The following LPP variants were observed in gnomAD, a reference collection of about 807,000 sequenced individuals.
LPP encodes the protein lipoma-preferred partner.
Under a neutral mutation model 60.4 loss-of-function variants are expected in LPP, and 38 were observed. The observed-to-expected ratio is 0.63, with a 90% CI of 0.49 to 0.83. LPP has a LOEUF of 0.83. Among genes scored for constraint, LPP ranks in the 40% least tolerant of loss-of-function variants. LPP has a pLI of 0.00. For missense variants in LPP, 902 were observed against 783.6 expected (o/e 1.15, Z -1.80); for synonymous variants, 328 against 290.8 (o/e 1.13, Z -1.30).
intron 1 of LPP, among the ~76,000 whole-genome samples, chr3:188,161,454 A>G (rs897780331): frequency 1.3e-5 from 2 of 152,212 alleles, no homozygotes; most frequent in African/African-American, 4.8e-5. Context: ...TGGCTGGGGA[A>G]AAGAATTTTT....
chr3:188,545,702 G>T (rs1366331780), intron 6 of LPP, among the ~76,000 whole-genome samples: 1 of 152,066 alleles, frequency 6.6e-6, no homozygotes, highest in African/African-American at 2.4e-5. Context: ...GGCTCCTAGG[G>T]CTTTCTTACA....
intron 6 of LPP, among the ~76,000 whole-genome samples, chr3:188,608,864 T>C (rs1843023768): frequency 6.6e-6 from 1 of 152,206 alleles, no homozygotes; most frequent in Admixed American, 6.5e-5. Context: ...TTAATAGTTT[T>C]CAGTATATAA....
At chr3:188,371,859 T>C (rs1343478169) in intron 3 of LPP, among the ~76,000 whole-genome samples, 2 of 151,154 alleles carry the variant, frequency 1.3e-5, no homozygotes, top group Non-Finnish European at 2.9e-5. Flanking sequence ...GGTTTCGCCA[T>C]GTTGGCCAGG....
intron 1 of LPP, among the ~76,000 whole-genome samples, chr3:188,224,594 A>T (rs751350934): frequency 3.9e-5 from 6 of 152,186 alleles, no homozygotes; most frequent in Non-Finnish European, 8.8e-5. Flanking sequence ...ATGGTTCTGC[A>T]GTCTGTATAA....
intron 2 of LPP, among the ~76,000 whole-genome samples, chr3:188,335,612 C>T (rs952894965): frequency 6.6e-6 from 1 of 152,072 alleles, no homozygotes; most frequent in African/African-American, 2.4e-5. Context: ...ATTTCTTCTT[C>T]ATATTGTGAA....
At chr3:188,284,073 C>T (rs1481104574) in intron 2 of LPP, among the ~76,000 whole-genome samples, 2 of 152,066 alleles carry the variant, frequency 1.3e-5, no homozygotes, top group Admixed American at 1.3e-4. Flanking sequence ...CTTCTCTAGG[C>T]ACAATATGGT....
At chr3:188,529,362 A>T (rs1579675886) in intron 6 of LPP, among the ~76,000 whole-genome samples, 1 of 152,208 alleles carries the variant, frequency 6.6e-6, no homozygotes, top group Non-Finnish European at 1.5e-5. Flanking sequence ...GAATCACCTG[A>T]CTACTTAAAA....
At chr3:188,547,126 A>AT (rs1700205872) in intron 6 of LPP, among the ~76,000 whole-genome samples, 1 of 152,204 alleles carries the variant, frequency 6.6e-6, no homozygotes, top group African/African-American at 2.4e-5. Context: ...AAGCATATAT[A>AT]TTACAGGAAC....
intron 3 of LPP, among the ~76,000 whole-genome samples, chr3:188,395,148 T>G (rs944481442): frequency 6.6e-6 from 1 of 152,186 alleles, no homozygotes; most frequent in Admixed American, 6.5e-5. Flanking sequence ...CCACTTTATT[T>G]TTCTATTATT....
chr3:188,675,528 C>T (rs1857855873), intron 7 of LPP, among the ~76,000 whole-genome samples: 1 of 152,184 alleles, frequency 6.6e-6, no homozygotes, highest in African/African-American at 2.4e-5. Flanking sequence ...TGAAGGACAA[C>T]ACATCAAGGG....
chr3:188,801,975 C>T (rs1057258618), intron 9 of LPP, among the ~76,000 whole-genome samples: 7 of 152,068 alleles, frequency 4.6e-5, no homozygotes, highest in African/African-American at 9.7e-5. Context: ...AGCATATTCC[C>T]GTATCATGTA....
Position 188,889,930 on chromosome 3 carries a change from G to A in LPP, c.*15451G>A, listed in dbSNP as rs1771070692. ...TTTAGAGGATCAGATTTTAGCGCTG[G>A]AAAATGAGTTCAAAAATTTCAGTGT... On this transcript the variant is annotated 3_prime_UTR_variant, in exon 12 of 12. Transcript: ENST00000617246. 1.4e-5 allele frequency: 3 copies of A among 211,912 alleles called. No individual in the cohort carries two copies. The highest frequency in any genetic ancestry group is 5.9e-5 in the Admixed American group (1 of 17,016). 13.1% of individuals were successfully genotyped at this position (211,912 alleles called of 1,614,324 possible). A position where few individuals can be genotyped will look rare whatever the true frequency, so the allele number is the denominator to read the frequency against.
At chr3:188,748,536 C>A (rs942272748) in intron 8 of LPP, among the ~76,000 whole-genome samples, 1 of 152,128 alleles carries the variant, frequency 6.6e-6, no homozygotes, top group Non-Finnish European at 1.5e-5. Context: ...GTAATCCCAG[C>A]ACTTTGGGAG....
At chr3:188,586,853 G>A (rs1362725383) in intron 6 of LPP, among the ~76,000 whole-genome samples, 18 of 151,422 alleles carry the variant, frequency 1.2e-4, no homozygotes, top group Admixed American at 8.6e-4. Flanking sequence ...TCAGCCTCCC[G>A]AGTAGCTGGG....
chr3:188,443,943 T>A (rs1377692498), intron 4 of LPP, among the ~76,000 whole-genome samples: 1 of 152,240 alleles, frequency 6.6e-6, no homozygotes. Context: ...AAGGATGGTG[T>A]GCCCTTAATT....
intron 4 of LPP, among the ~76,000 whole-genome samples, chr3:188,440,542 G>T (rs1793520269): frequency 6.6e-6 from 1 of 152,104 alleles, no homozygotes; most frequent in African/African-American, 2.4e-5. Flanking sequence ...TAAATATGCT[G>T]CTTCGGTTAT....
intron 10 of LPP, among the ~76,000 whole-genome samples, chr3:188,871,570 A>T (rs969495065): frequency 6.6e-6 from 1 of 152,216 alleles, no homozygotes; most frequent in African/African-American, 2.4e-5. Context: ...TTAGATTATT[A>T]TCATTATTTC....
chr3:188,780,049 TGGCTC>T (rs887251657), intron 9 of LPP, among the ~76,000 whole-genome samples: 3 of 152,166 alleles, frequency 2.0e-5, no homozygotes, highest in Non-Finnish European at 4.4e-5. Context: ...TAAGGCTGTG[TGGCTC>T]TAAACCTTGT....
At chr3:188,589,463 G>A (rs531734504) in intron 6 of LPP, among the ~76,000 whole-genome samples, 334 of 152,218 alleles carry the variant, frequency 2.2e-3, no homozygotes, top group Non-Finnish European at 3.7e-3. Flanking sequence ...ATGTATAAGC[G>A]TATGGTTTAT....
Sources: allele counts gnomAD v4.1 joint callset (sites outside exome capture counted in the v4.1 genomes callset), GRCh38; gene constraint gnomAD v4.1.1; transcripts MANE v1.5; gene names NCBI Gene and HGNC (gene_info 2026-07-23, HGNC 2026-07-21).